The following CPED1 variants were observed in gnomAD, a reference collection of about 807,000 sequenced individuals.
CPED1 encodes cadherin-like and PC-esterase domain-containing protein 1.
Under a neutral mutation model 128.2 loss-of-function variants are expected in CPED1, and 114 were observed. The observed-to-expected ratio is 0.89, with a 90% CI of 0.76 to 1.04. The LOEUF (loss-of-function observed/expected upper bound fraction) is 1.04, where lower values mean the gene tolerates loss of function less well. CPED1 is among the 50% of genes least tolerant of loss of function. CPED1 has a pLI of 0.00. For synonymous variants in CPED1, 462 were observed against 426.7 expected (o/e 1.08, Z -1.02); for missense variants, 1,211 against 1,207.1 (o/e 1.00, Z -0.05).
At chr7:121,295,140 AAC>A (rs35927183) in intron 22 of CPED1, among the ~76,000 whole-genome samples, 21,326 of 145,618 alleles carry the variant, frequency 0.15, 1,719 homozygotes, top group Non-Finnish European at 0.19. Flanking sequence ...CTGGCCTGAA[AAC>A]ACACACACAC....
chr7:121,099,406 T>C (rs1033961039), intron 6 of CPED1, among the ~76,000 whole-genome samples: 2 of 152,214 alleles, frequency 1.3e-5, no homozygotes, highest in Non-Finnish European at 1.5e-5. Flanking sequence ...CTTGCTCTGT[T>C]GCCCAAGCTG....
Position 120,995,286 on chromosome 7 carries a change from T to C in CPED1, c.249+5416T>C, listed in dbSNP as rs151150596. Among the ~76,000 whole-genome samples, 59 of 152,322 alleles carry C rather than the reference T, an allele frequency of 3.9e-4. 1 individual carries two copies. The East Asian group carries it at 0.011, about 29-fold the overall frequency. ...AATCTAATGAGATCTATTTTCAGTC[T>C]ACATCCTTCTTCTCTGAGGCATGTT... On this transcript the variant is annotated intron_variant, in intron 2 of 22. Transcript: ENST00000310396.
chr7:121,248,795 A>G (rs1219165668), intron 18 of CPED1, among the ~76,000 whole-genome samples: 1 of 152,110 alleles, frequency 6.6e-6, no homozygotes, highest in Admixed American at 6.5e-5. Context: ...TTACCTCCAA[A>G]TGAGTCCACT....
At chr7:121,093,140 A>G (rs910296560) in intron 5 of CPED1, among the ~76,000 whole-genome samples, 5 of 152,224 alleles carry the variant, frequency 3.3e-5, no homozygotes, top group Admixed American at 6.5e-5. Context: ...TGCCATTTCT[A>G]CCTACTGACA....
chr7:121,126,577 T>C (rs1422795765), intron 9 of CPED1, among the ~76,000 whole-genome samples: 3 of 152,100 alleles, frequency 2.0e-5, no homozygotes, highest in Admixed American at 2.0e-4. Context: ...AACTAGAATA[T>C]AGCTTTGTAT....
chr7:121,026,698 T>C (rs1792595467), intron 3 of CPED1, among the ~76,000 whole-genome samples: 1 of 150,696 alleles, frequency 6.6e-6, no homozygotes. Context: ...TCCCAGGTGA[T>C]ACTAATACAT....
intron 14 of CPED1, among the ~76,000 whole-genome samples, chr7:121,139,654 A>T (rs571120790): frequency 6.6e-6 from 1 of 152,192 alleles, no homozygotes; most frequent in Admixed American, 6.6e-5. Flanking sequence ...GGGAGCTTGG[A>T]CTTGACTCTG....
intron 5 of CPED1, among the ~76,000 whole-genome samples, chr7:121,072,933 C>A (rs982949682): frequency 6.6e-6 from 1 of 152,062 alleles, no homozygotes; most frequent in Non-Finnish European, 1.5e-5. Context: ...CACTATGTTT[C>A]CTCTGTGTTC....
intron 7 of CPED1, among the ~76,000 whole-genome samples, chr7:121,119,135 CTTTT>C (rs202203893): frequency 2.0e-5 from 3 of 146,598 alleles, no homozygotes; most frequent in African/African-American, 7.5e-5. Context: ...TTTGGAAGAA[CTTTT>C]TTTTTTTTAA....
At chr7:121,216,841 A>G (rs1383913832) in intron 16 of CPED1, among the ~76,000 whole-genome samples, 1 of 152,070 alleles carries the variant, frequency 6.6e-6, no homozygotes, top group Non-Finnish European at 1.5e-5. Flanking sequence ...CACAGCAATT[A>G]TCATATTTGG....
At chr7:121,047,748 T>A (rs1159047391) in intron 4 of CPED1, among the ~76,000 whole-genome samples, 2 of 146,806 alleles carry the variant, frequency 1.4e-5, no homozygotes, top group Admixed American at 6.7e-5. Flanking sequence ...TCTTGCTCCA[T>A]CGCCCAGGCT....
intron 5 of CPED1, among the ~76,000 whole-genome samples, chr7:121,092,891 A>G (rs758758652): frequency 1.2e-4 from 19 of 152,210 alleles, no homozygotes; most frequent in Non-Finnish European, 2.4e-4. Context: ...GCACATATTT[A>G]AATCATAACT....
Position 121,016,598 on chromosome 7 carries a change from C to T in CPED1, c.433+750C>T, listed in dbSNP as rs886930471. Among the ~76,000 whole-genome samples, 3 of 152,156 alleles carry T rather than the reference C, an allele frequency of 2.0e-5. No homozygotes were observed. In the South Asian group the frequency reaches 6.2e-4, roughly 32 times the overall value. On this transcript the variant is annotated intron_variant, in intron 3 of 22. Coordinates refer to ENST00000310396, the MANE Select transcript of CPED1 (RefSeq NM_024913.5). ...CCTTACTGGCTGAAGTGACTCACCT[C>T]GCATCTTACATCTGGTGTGAGGGAT...
At chr7:121,273,664 A>G (rs2116759546) in intron 22 of CPED1, among the ~76,000 whole-genome samples, 1 of 152,278 alleles carries the variant, frequency 6.6e-6, no homozygotes, top group South Asian at 2.1e-4. Context: ...TGCATTTCAG[A>G]GAAGTGAAAG....
intron 2 of CPED1, among the ~76,000 whole-genome samples, chr7:120,994,657 G>GTGTGTGTGTTGTTGT (rs148572524): frequency 4.0e-5 from 6 of 149,196 alleles, no homozygotes; most frequent in African/African-American, 1.5e-4. Context: ...GTGTGTGTGT[G>GTGTGTGTGTTGTTGT]TGTTGTTGTT....
chr7:121,001,767 A>G (rs1361311522), intron 2 of CPED1, among the ~76,000 whole-genome samples: 1 of 152,152 alleles, frequency 6.6e-6, no homozygotes, highest in African/African-American at 2.4e-5. Flanking sequence ...TTGAGTGACC[A>G]TGGACAAGTG....
At chr7:120,996,861 G>A (rs1186994240) in intron 2 of CPED1, among the ~76,000 whole-genome samples, 1 of 152,174 alleles carries the variant, frequency 6.6e-6, no homozygotes, top group Non-Finnish European at 1.5e-5. Flanking sequence ...GGCAGTCTGT[G>A]CACAGGTCCC....
intron 16 of CPED1, among the ~76,000 whole-genome samples, chr7:121,192,071 G>A (rs1797153441): frequency 6.6e-6 from 1 of 152,062 alleles, no homozygotes; most frequent in South Asian, 2.1e-4. Context: ...AAATTGGAGA[G>A]GGGAAATCTG....
At chr7:121,027,710 GA>G (rs1792625876) in intron 3 of CPED1, among the ~76,000 whole-genome samples, 1 of 149,946 alleles carries the variant, frequency 6.7e-6, no homozygotes, top group Admixed American at 6.7e-5. Context: ...GCCAAAGAAA[GA>G]ATTCCACCAA....
Sources: gnomAD v4.1 joint callset for allele counts (sites outside exome capture counted in the v4.1 genomes callset) on GRCh38, gnomAD v4.1.1 for gene constraint, MANE v1.5 for transcripts, NCBI Gene and HGNC (gene_info 2026-07-23, HGNC 2026-07-21) for gene names.